CACNA2D3: variants seen among roughly 807,000 people sequenced by gnomAD.
The protein encoded by CACNA2D3 is voltage-dependent calcium channel subunit alpha-2/delta-3.
Under a neutral mutation model 160.6 loss-of-function variants are expected in CACNA2D3, and 60 were observed. That is an observed-to-expected ratio of 0.37 (90% CI 0.30 to 0.46). The LOEUF is 0.46. Among genes scored for constraint, CACNA2D3 ranks in the 20% least tolerant of loss-of-function variants. The pLI is 1.00. For missense variants in CACNA2D3, 1,205 were observed against 1,365.0 expected (o/e 0.88, Z 1.85); for synonymous variants, 558 against 492.9 (o/e 1.13, Z -1.75).
chr3:54,903,113 T>A (rs1700376004), intron 27 of CACNA2D3, among the ~76,000 whole-genome samples: 1 of 152,150 alleles, frequency 6.6e-6, no homozygotes, highest in Admixed American at 6.5e-5. Flanking sequence ...ATAGGTAAAC[T>A]GTGTTATGGG....
intron 2 of CACNA2D3, among the ~76,000 whole-genome samples, chr3:54,147,253 C>A (rs1700049358): frequency 6.6e-6 from 1 of 152,188 alleles, no homozygotes; most frequent in Non-Finnish European, 1.5e-5. Context: ...CCAGTCACAT[C>A]TGAGTAGTGA....
Position 54,879,911 on chromosome 3 carries a change from T to G in CACNA2D3, c.1844+500T>G, listed in dbSNP as rs531490465. On this transcript the variant is annotated intron_variant, in intron 20 of 37. Transcript: ENST00000474759. The stretch of plus-strand genomic sequence containing the variant: ...CTTTGTAACAGTCCTGAAAAATGGC[T>G]TTGCCTCATTGGCTGCTTTCAGATG... Among the ~76,000 whole-genome samples, 7 of 152,338 alleles carry G rather than the reference T, an allele frequency of 4.6e-5. No homozygotes were observed. The South Asian group carries it at 1.4e-3, about 32-fold the overall frequency.
At chr3:54,126,151 T>G (rs1402536627) in intron 2 of CACNA2D3, among the ~76,000 whole-genome samples, 1 of 152,268 alleles carries the variant, frequency 6.6e-6, no homozygotes, top group Non-Finnish European at 1.5e-5. Context: ...TTTCACTAAT[T>G]GACACTTCAT....
At chr3:55,031,257 G>C (rs759249974) in intron 35 of CACNA2D3, among the ~76,000 whole-genome samples, 1 of 152,170 alleles carries the variant, frequency 6.6e-6, no homozygotes, top group Non-Finnish European at 1.5e-5. Flanking sequence ...TCAAAGAGCA[G>C]TCTGTGTTCC....
At position 54,122,653 on chromosome 3, in the gene CACNA2D3, G is replaced by T; in HGVS notation, c.-61G>T. On this transcript the variant is annotated 5_prime_UTR_variant, in exon 1 of 38. Transcript: ENST00000474759. ...CGCGCGCTCGCCCACCGCCCGCTCCGCGCAGCTCCCCGCGGCCGCTCTCGT... is the reference window on the plus strand; with the variant it reads ...CGCGCGCTCGCCCACCGCCCGCTCCTCGCAGCTCCCCGCGGCCGCTCTCGT... 2.0e-6 allele frequency: 2 copies of T among 990,560 alleles called. No individual in the cohort carries two copies. Among genetic ancestry groups the T allele is most frequent in the Non-Finnish European group, 2.4e-6 (2 of 836,502 alleles). The allele number at this position is 990,560 out of a possible 1,614,324, so 61.4% of individuals were successfully genotyped here. A position where few individuals can be genotyped will look rare whatever the true frequency, so the allele number is the denominator to read the frequency against.
chr3:54,212,400 C>T (rs1040089325), intron 2 of CACNA2D3, among the ~76,000 whole-genome samples: 3 of 151,958 alleles, frequency 2.0e-5, no homozygotes, highest in African/African-American at 4.8e-5. Flanking sequence ...GATTGGCAGT[C>T]GGTTGTAAGA....
intron 31 of CACNA2D3, among the ~76,000 whole-genome samples, chr3:55,000,486 G>C (rs1702958290): frequency 6.6e-6 from 1 of 152,108 alleles, no homozygotes; most frequent in African/African-American, 2.4e-5. Flanking sequence ...GGGTTGATAG[G>C]TACAGGAAAC....
At chr3:54,140,752 C>T (rs997140229) in intron 2 of CACNA2D3, among the ~76,000 whole-genome samples, 18 of 152,202 alleles carry the variant, frequency 1.2e-4, no homozygotes, top group Non-Finnish European at 2.1e-4. Context: ...ATGTTGGTTC[C>T]CTAGAGCAAG....
At position 54,157,835 on chromosome 3, in the gene CACNA2D3, CAAAAAAAA is replaced by C. The variant is rs5849032; in HGVS notation, c.204+34254_204+34261del. The stretch of plus-strand genomic sequence containing the variant: ...AAAAAAGCAAAAAAACCCAACCAAA[CAAAAAAAA>C]AAAAAAAAAAAAGAAATGGGGATAA... On this transcript the variant is annotated intron_variant, in intron 2 of 37. Coordinates refer to ENST00000474759, the MANE Select transcript of CACNA2D3 (RefSeq NM_018398.3). 4.0e-4 allele frequency among the ~76,000 whole-genome samples: 54 copies of C among 134,382 alleles called. 1 individual carries two copies. The highest frequency in any genetic ancestry group is 1.2e-3 in the African/African-American group (44 of 37,546). 88.2% of individuals were successfully genotyped at this position (134,382 alleles called of 152,430 possible).
At chr3:54,646,493 T>C (rs1699654070) in intron 11 of CACNA2D3, among the ~76,000 whole-genome samples, 1 of 151,852 alleles carries the variant, frequency 6.6e-6, no homozygotes, top group South Asian at 2.1e-4. Context: ...AGTGGGAACA[T>C]GTGGTTTGGT....
chr3:55,064,566 T>C (rs1704594220), intron 35 of CACNA2D3, among the ~76,000 whole-genome samples: 1 of 152,170 alleles, frequency 6.6e-6, no homozygotes, highest in African/African-American at 2.4e-5. Flanking sequence ...GCATGCCCCA[T>C]TGGCCTCTGG....
At chr3:55,000,917 C>T (rs1436546574) in intron 31 of CACNA2D3, among the ~76,000 whole-genome samples, 2 of 152,164 alleles carry the variant, frequency 1.3e-5, no homozygotes, top group Non-Finnish European at 2.9e-5. Context: ...TGCTTCTGAG[C>T]AGAGAGCAAA....
At chr3:54,483,223 C>T (rs1700961694) in intron 4 of CACNA2D3, among the ~76,000 whole-genome samples, 1 of 152,102 alleles carries the variant, frequency 6.6e-6, no homozygotes, top group Non-Finnish European at 1.5e-5. Flanking sequence ...GCTGTAAGAG[C>T]TTGTTGCGTA....
At chr3:55,013,843 T>C (rs1703265217) in intron 34 of CACNA2D3, among the ~76,000 whole-genome samples, 1 of 152,162 alleles carries the variant, frequency 6.6e-6, no homozygotes, top group Non-Finnish European at 1.5e-5. Flanking sequence ...TCAATCCCAA[T>C]TGTCTGCACA....
At chr3:54,781,587 T>G (rs546694464) in intron 13 of CACNA2D3, among the ~76,000 whole-genome samples, 2 of 152,346 alleles carry the variant, frequency 1.3e-5, no homozygotes, top group Admixed American at 6.5e-5. Context: ...TAAGTGTTCA[T>G]TTTTAGGAAA....
At chr3:54,879,158 G>A in intron 19 of CACNA2D3, 69 bp downstream of exon 19, 1 of 1,061,812 alleles carries the variant, frequency 9.4e-7, no homozygotes, top group East Asian at 2.4e-5. Flanking sequence ...AGCTTTGAAA[G>A]CTATATCTGG....
At chr3:54,421,267 G>A (rs2106750908) in intron 4 of CACNA2D3, among the ~76,000 whole-genome samples, 1 of 152,208 alleles carries the variant, frequency 6.6e-6, no homozygotes, top group Non-Finnish European at 1.5e-5. Flanking sequence ...GAATATCTTT[G>A]TTTGTTTATT....
intron 4 of CACNA2D3, among the ~76,000 whole-genome samples, chr3:54,412,494 CA>C (rs1051821720): frequency 6.6e-6 from 1 of 151,644 alleles, no homozygotes; most frequent in Non-Finnish European, 1.5e-5. Context: ...TATCTTTTAT[CA>C]TTAAGAAATA....
intron 31 of CACNA2D3, among the ~76,000 whole-genome samples, chr3:54,993,934 T>A (rs1399783990): frequency 6.7e-6 from 1 of 149,918 alleles, no homozygotes; most frequent in Non-Finnish European, 1.5e-5. Context: ...TGTGTGTGTG[T>A]GTGGTTTTGC....
Sources: allele counts gnomAD v4.1 joint callset (sites outside exome capture counted in the v4.1 genomes callset), GRCh38; gene constraint gnomAD v4.1.1; transcripts MANE v1.5; gene names NCBI Gene and HGNC (gene_info 2026-07-23, HGNC 2026-07-21).